The following ERBB4 variants were observed in gnomAD, a reference collection of about 807,000 sequenced individuals.
ERBB4 encodes the protein receptor tyrosine-protein kinase erbB-4.
Under a neutral mutation model 158.0 loss-of-function variants are expected in ERBB4, and 42 were observed. The observed-to-expected ratio is 0.27, with a 90% CI of 0.21 to 0.34. The LOEUF (loss-of-function observed/expected upper bound fraction) is 0.34. ERBB4 is among the 10% of genes least tolerant of loss of function. The pLI, the probability that ERBB4 is intolerant of heterozygous loss-of-function variation, is 1.00. For synonymous variants in ERBB4, 583 were observed against 558.7 expected (o/e 1.04, Z -0.61); for missense variants, 1,333 against 1,624.1 (o/e 0.82, Z 3.08).
intron 3 of ERBB4, among the ~76,000 whole-genome samples, chr2:211,914,475 T>C (rs1409316316): frequency 6.6e-6 from 1 of 152,140 alleles, no homozygotes; most frequent in Admixed American, 6.5e-5. Context: ...GATTTTCTTT[T>C]ATGGTGTTTA....
intron 2 of ERBB4, among the ~76,000 whole-genome samples, chr2:212,050,141 T>C (rs138430926): frequency 3.9e-4 from 60 of 152,186 alleles, no homozygotes; most frequent in Non-Finnish European, 6.8e-4. Flanking sequence ...ATCCTCATAG[T>C]TTCATATTGT....
intron 15 of ERBB4, among the ~76,000 whole-genome samples, chr2:211,662,781 C>A (rs1032505564): frequency 1.3e-5 from 2 of 152,116 alleles, no homozygotes; most frequent in South Asian, 2.1e-4. Context: ...AAGTATGACA[C>A]AGGTAACTTT....
chr2:212,106,406 G>A (rs1239122218), intron 2 of ERBB4, among the ~76,000 whole-genome samples: 2 of 152,226 alleles, frequency 1.3e-5, no homozygotes, highest in African/African-American at 4.8e-5. Flanking sequence ...GAACTTGAGA[G>A]AGATAATTTA....
intron 20 of ERBB4, among the ~76,000 whole-genome samples, chr2:211,486,800 T>C (rs1227685910): frequency 1.3e-5 from 2 of 152,180 alleles, no homozygotes; most frequent in East Asian, 1.9e-4. Flanking sequence ...TGTTACAATA[T>C]GTGAAGTGCT....
chr2:211,833,297 A>G (rs1215221357), intron 3 of ERBB4, among the ~76,000 whole-genome samples: 3 of 152,162 alleles, frequency 2.0e-5, no homozygotes, highest in African/African-American at 7.2e-5. Flanking sequence ...AGATGTCTTA[A>G]GTCTAAGGAC....
intron 12 of ERBB4, 152 bp downstream of exon 12, chr2:211,701,815 A>ATGT: frequency 3.3e-6 from 2 of 598,844 alleles, no homozygotes; most frequent in Non-Finnish European, 6.0e-6. Flanking sequence ...ATTTTATACC[A>ATGT]TGTTGGTAAT....
Position 212,029,774 on chromosome 2 carries a change from TTTTG to T in ERBB4, c.235-82162_235-82159del, listed in dbSNP as rs145821651. Among the ~76,000 whole-genome samples, 1,211 of 152,264 alleles carry T rather than the reference TTTTG, an allele frequency of 8.0e-3. 10 individuals are homozygous for T. Among genetic ancestry groups the T allele is most frequent in the African/African-American group, 0.027 (1,112 of 41,552 alleles). On this transcript the variant is annotated intron_variant, in intron 2 of 27. Transcript: ENST00000342788. ...CAGGTTTCATTAATGTGTCTAAACA[TTTTG>T]TTTAAGTTCACTTATGTATTTAATG... is the stretch of plus-strand genomic sequence containing the variant.
At chr2:212,215,474 A>G (rs1490459052) in intron 1 of ERBB4, among the ~76,000 whole-genome samples, 1 of 151,470 alleles carries the variant, frequency 6.6e-6, no homozygotes, top group East Asian at 1.9e-4. Context: ...ATTGTATAAA[A>G]TGAGTTATGA....
At chr2:211,960,600 T>C (rs555639814) in intron 2 of ERBB4, 1 of 152,118 alleles carries the variant, frequency 6.6e-6, no homozygotes, top group Admixed American at 6.6e-5. Context: ...ATGCCAGAAA[T>C]TTGTTACTCA....
At chr2:212,527,285 G>C (rs1314127722) in intron 1 of ERBB4, among the ~76,000 whole-genome samples, 1 of 152,032 alleles carries the variant, frequency 6.6e-6, no homozygotes, top group Non-Finnish European at 1.5e-5. Flanking sequence ...TTCATCCAAA[G>C]ATATACCCAG....
chr2:211,885,815 C>T (rs1302558511), intron 3 of ERBB4, among the ~76,000 whole-genome samples: 1 of 152,056 alleles, frequency 6.6e-6, no homozygotes, highest in African/African-American at 2.4e-5. Context: ...TTAAGGGAAG[C>T]AATATCAGTT....
At chr2:211,519,225 TTTCTTTA>T (rs1381732556) in intron 20 of ERBB4, among the ~76,000 whole-genome samples, 1 of 152,180 alleles carries the variant, frequency 6.6e-6, no homozygotes, top group Non-Finnish European at 1.5e-5. Context: ...TGACTTAATT[TTTCTTTA>T]TTGCATAAAT....
At chr2:211,405,726 A>C (rs181118636) in intron 25 of ERBB4, among the ~76,000 whole-genome samples, 3 of 152,316 alleles carry the variant, frequency 2.0e-5, no homozygotes, top group Admixed American at 1.3e-4. Context: ...AATTTCTCTC[A>C]AAAAGGATAG....
intron 20 of ERBB4, among the ~76,000 whole-genome samples, chr2:211,469,046 T>C (rs184306961): frequency 8.6e-5 from 13 of 151,718 alleles, no homozygotes; most frequent in Non-Finnish European, 1.8e-4. Context: ...CGTGCAGAAG[T>C]CTGGAATGGC....
At chr2:211,971,212 T>A (rs1029837754) in intron 2 of ERBB4, among the ~76,000 whole-genome samples, 1 of 152,190 alleles carries the variant, frequency 6.6e-6, no homozygotes, top group African/African-American at 2.4e-5. Flanking sequence ...TCCTAATCTC[T>A]TCTGGCATAG....
intron 20 of ERBB4, among the ~76,000 whole-genome samples, chr2:211,550,622 T>TGAATATATCTA (rs2067065273): frequency 1.4e-5 from 2 of 146,136 alleles, no homozygotes; most frequent in Non-Finnish European, 3.0e-5. Flanking sequence ...TCTCTATATA[T>TGAATATATCTA]GAATATATCT....
intron 26 of ERBB4, among the ~76,000 whole-genome samples, chr2:211,387,524 G>T (rs1257403675): frequency 6.6e-6 from 1 of 152,122 alleles, no homozygotes; most frequent in Non-Finnish European, 1.5e-5. Flanking sequence ...ATTAAGAATA[G>T]AAGTACATGG....
chr2:211,778,827 C>T (rs145220973), intron 4 of ERBB4: 2 of 152,360 alleles, frequency 1.3e-5, no homozygotes, highest in East Asian at 1.9e-4. Flanking sequence ...TTTGATCAGT[C>T]CTCATTACGG....
intron 2 of ERBB4, among the ~76,000 whole-genome samples, chr2:212,030,981 C>T (rs2076890731): frequency 6.6e-6 from 1 of 152,072 alleles, no homozygotes; most frequent in Admixed American, 6.6e-5. Context: ...GCTACCATTC[C>T]AGCCTCATTA....
Sources: allele counts gnomAD v4.1 joint callset (sites outside exome capture counted in the v4.1 genomes callset), GRCh38; gene constraint gnomAD v4.1.1; transcripts MANE v1.5; gene names NCBI Gene and HGNC (gene_info 2026-07-23, HGNC 2026-07-21).